The following DCPS variants were observed in gnomAD, a reference collection of about 807,000 sequenced individuals.
DCPS encodes decapping enzyme, scavenger.
Under a neutral mutation model 34.7 loss-of-function variants are expected in DCPS, and 27 were observed. That is an observed-to-expected ratio of 0.78 (90% CI 0.57 to 1.07). The LOEUF is 1.07. Ranked by LOEUF, DCPS falls within the 50% of genes least tolerant of loss-of-function variation. The pLI is 0.00. For synonymous variants in DCPS, 185 were observed against 185.7 expected (o/e 1.00, Z 0.03); for missense variants, 464 against 436.9 (o/e 1.06, Z -0.55).
At chr11:126,314,957 G>T (rs1450503065) in intron 2 of DCPS, among the ~76,000 whole-genome samples, 1 of 151,900 alleles carries the variant, frequency 6.6e-6, no homozygotes, top group African/African-American at 2.4e-5. Flanking sequence ...GTTCCTACCT[G>T]TTCCCCAAAA....
intron 4 of DCPS, chr11:126,341,147 T>G (rs1951872522): frequency 6.6e-6 from 1 of 152,282 alleles, no homozygotes; most frequent in Non-Finnish European, 1.5e-5. Flanking sequence ...TCTAAAGTTC[T>G]CAGACCAGGC....
intron 5 of DCPS, 22 bp downstream of exon 5, chr11:126,343,439 C>T (rs779375138): frequency 5.7e-6 from 9 of 1,575,890 alleles, no homozygotes; most frequent in Middle Eastern, 1.7e-4. Context: ...CACCAAACCA[C>T]GTGGAAGCTC....
At chr11:126,316,657 T>TC (rs369732222) in intron 2 of DCPS, among the ~76,000 whole-genome samples, 3,265 of 151,690 alleles carry the variant, frequency 0.022, 155 homozygotes, top group African/African-American at 0.075. Context: ...TTTTTTTTTT[T>TC]TCATGTTTTT....
chr11:126,327,913 A>G lies in DCPS; in HGVS notation c.377-3492A>G, dbSNP rs940057712. ...GTCCATCCACCTGCTGCTGTGAGGG[A>G]GTGAGAAGTGAAGAGGAAGCAAGCT... On this transcript the variant is annotated intron_variant, in intron 2 of 5. Transcript: ENST00000263579. This position sits in a 1 kb window ranked among gnomAD's most constrained non-coding sequence, Gnocchi z 4.1. 2.0e-5 allele frequency among the ~76,000 whole-genome samples: 3 copies of G among 152,144 alleles called. No individual in the cohort carries two copies. Among genetic ancestry groups the G allele is most frequent in the African/African-American group, 7.2e-5 (3 of 41,420 alleles).
chr11:126,332,522 G>A lies in DCPS; in HGVS notation c.522+972G>A, dbSNP rs1951801518. On this transcript the variant is annotated intron_variant, in intron 3 of 5. Coordinates refer to ENST00000263579, the MANE Select transcript of DCPS (RefSeq NM_014026.6). This position sits in a 1 kb window ranked among gnomAD's most constrained non-coding sequence, Gnocchi z 5.4. The stretch of plus-strand genomic sequence containing the variant: ...TCAGGTCACTGTGGTGGAGGGTGTT[G>A]TGATGTGAGGAACTCACAGCCACTC... Among the ~76,000 whole-genome samples, 1 of 152,226 alleles carries A rather than the reference G, an allele frequency of 6.6e-6. No individual in the cohort carries two copies. The highest frequency in any genetic ancestry group is 1.9e-4 in the East Asian group (1 of 5,198).
rs1314602929 is a variant in DCPS at position 126,334,738 on chromosome 11, C to G, written c.522+3188C>G. ...GTATCTGTGCCCTAAGCCAGAGATA[C>G]TATTTGGCTCCTTAGATGTGAGGTA... On this transcript the variant is annotated intron_variant, in intron 3 of 5. Transcript: ENST00000263579. This position sits in a 1 kb window ranked among gnomAD's most constrained non-coding sequence, Gnocchi z 5.5. 6.6e-6 allele frequency among the ~76,000 whole-genome samples: 1 copy of G among 152,212 alleles called. No individual in the cohort carries two copies. Among genetic ancestry groups the G allele is most frequent in the Non-Finnish European group, 1.5e-5 (1 of 68,040 alleles).
chr11:126,331,308 A>G lies in DCPS; in HGVS notation c.377-97A>G. 3 of 1,534,800 alleles carry G rather than the reference A, an allele frequency of 2.0e-6. No individual in the cohort carries two copies. Among genetic ancestry groups the G allele is most frequent in the Non-Finnish European group, 2.6e-6 (3 of 1,138,738 alleles). ...CTTGGATTTTGGCTTCCCTCAGGGA[A>G]TCAAAGCCAGGGTGGGAGTTCTCTC... On this transcript the variant is annotated intron_variant, in intron 2 of 5. Coordinates refer to ENST00000263579, the MANE Select transcript of DCPS (RefSeq NM_014026.6). The surrounding 1 kb of genome is among the most constrained non-coding windows in gnomAD (Gnocchi z 7.2).
intron 2 of DCPS, among the ~76,000 whole-genome samples, chr11:126,308,440 A>C (rs1015586184): frequency 2.0e-5 from 3 of 152,214 alleles, no homozygotes; most frequent in African/African-American, 7.2e-5. Context: ...ATATGTGAAC[A>C]CTTCATGGTG....
Position 126,315,525 on chromosome 11 carries a change from A to G in DCPS, c.376+8781A>G, listed in dbSNP as rs1312395512. Reference sequence around the variant, plus strand: ...CAGTGAACTATGATTATGCCGCTGCACTCCAACCTGGGTGGCAGAGCAAAA... The same window carrying G: ...CAGTGAACTATGATTATGCCGCTGCGCTCCAACCTGGGTGGCAGAGCAAAA... On this transcript the variant is annotated intron_variant, in intron 2 of 5. Transcript: ENST00000263579. The surrounding 1 kb of genome is among the most constrained non-coding windows in gnomAD (Gnocchi z 6.1). Among the ~76,000 whole-genome samples the G allele has an allele frequency of 6.6e-6, 1 of 151,992 alleles. No individual in the cohort carries two copies. The highest frequency in any genetic ancestry group is 1.5e-5 in the Non-Finnish European group (1 of 68,022).
Position 126,348,629 on chromosome 11 carries a change from CT to C in DCPS, c.*3018del, listed in dbSNP as rs1273157810. Reference sequence around the variant, plus strand: ...CATAGTCTGTCTTTATTAGGGTGACCTTCATATCAGACTCCCAGGTAACTCA... The same window carrying C: ...CATAGTCTGTCTTTATTAGGGTGACCTCATATCAGACTCCCAGGTAACTCA... On this transcript the variant is annotated 3_prime_UTR_variant, in exon 6 of 6. Transcript: ENST00000263579. The surrounding 1 kb of genome is among the most constrained non-coding windows in gnomAD (Gnocchi z 5.3). 1.3e-5 allele frequency among the ~76,000 whole-genome samples: 2 copies of C among 152,234 alleles called. No homozygotes were observed. The highest frequency in any genetic ancestry group is 4.8e-5 in the African/African-American group (2 of 41,464).
In DCPS at chr11:126,331,525, T is replaced by A; in HGVS notation, c.497T>A (p.Leu166Gln). ...DDYRNITLPH[L>Q]ESQSLSIQWV... ...TACAGGAATATTACTTTACCCCACC[T>A]GGAGTCCCAGAGCCTCAGCATCCAG... The change falls in exon 3 of 6, where the codon CTG (leucine) becomes CAG (glutamine). Residue 166 changes from leucine (L) to glutamine (Q), a missense_variant. By Grantham distance (113) the Leu-to-Gln change is moderately radical. Transcript: ENST00000263579. The surrounding 1 kb of genome is among the most constrained non-coding windows in gnomAD (Gnocchi z 7.2). 6.2e-7 allele frequency: 1 copy of A among 1,614,134 alleles called. No homozygotes were observed. Among genetic ancestry groups the A allele is most frequent in the Non-Finnish European group, 8.5e-7 (1 of 1,180,010 alleles).
At chr11:126,310,337 C>A (rs538312695) in intron 2 of DCPS, among the ~76,000 whole-genome samples, 1 of 152,160 alleles carries the variant, frequency 6.6e-6, no homozygotes, top group Non-Finnish European at 1.5e-5. Context: ...TTCAAGAATC[C>A]GATGCGCTAA....
At chr11:126,309,511 G>T (rs865862063) in intron 2 of DCPS, among the ~76,000 whole-genome samples, 1 of 152,128 alleles carries the variant, frequency 6.6e-6, no homozygotes, top group Admixed American at 6.5e-5. Flanking sequence ...ATGTTTTTTA[G>T]GTAATAATGA....
chr11:126,345,576 C>G lies in DCPS; in HGVS notation c.977C>G (p.Pro326Arg), dbSNP rs150917728. ...ACCTTCGCCCTCAGGGCTGACGACC[C>G]CCTGCTCAAGCTCTTGCAGGAGGCT... The part of the protein sequence containing the change: ...TLTFALRADD[P>R]LLKLLQEAQQ... Residue 326 changes from proline to arginine, a missense_variant, in exon 6 of 6, where the codon CCC becomes CGC. Transcript: ENST00000263579. This position sits in a 1 kb window ranked among gnomAD's most constrained non-coding sequence, Gnocchi z 7.4. 437 of 1,613,688 alleles carry G rather than the reference C, an allele frequency of 2.7e-4. 3 individuals carry two copies. In the African/African-American group the frequency reaches 4.4e-3, roughly 16 times the overall value.
chr11:126,339,212 G>A (rs1951858280), intron 4 of DCPS, among the ~76,000 whole-genome samples: 1 of 152,218 alleles, frequency 6.6e-6, no homozygotes, highest in Admixed American at 6.5e-5. Context: ...GCCGAGGTAG[G>A]CAGGCAGGCA....
rs1385439787 is a variant in DCPS at position 126,327,516 on chromosome 11, A to ATC, written c.377-3888_377-3887dup. On this transcript the variant is annotated intron_variant, in intron 2 of 5. Transcript: ENST00000263579. This position sits in a 1 kb window ranked among gnomAD's most constrained non-coding sequence, Gnocchi z 4.1. Reference sequence around the variant, plus strand: ...GATATTTTTGAGACTGTGCCTGTGTATCGTGTTTCCCAACGTGTTTTCACC... The same window carrying ATC: ...GATATTTTTGAGACTGTGCCTGTGTATCTCGTGTTTCCCAACGTGTTTTCACC... Among the ~76,000 whole-genome samples, 1 of 152,176 alleles carries ATC rather than the reference A, an allele frequency of 6.6e-6. No homozygotes were observed. Among genetic ancestry groups the ATC allele is most frequent in the Non-Finnish European group, 1.5e-5 (1 of 68,036 alleles).
chr11:126,313,265 C>A lies in DCPS; in HGVS notation c.376+6521C>A, dbSNP rs1238198129. Reference sequence around the variant, plus strand: ...CGTTTCTCTGGTTGCAGGGAACTCCCGGTACTGTAGCCACAGGCCAGGGTT... The same window carrying A: ...CGTTTCTCTGGTTGCAGGGAACTCCAGGTACTGTAGCCACAGGCCAGGGTT... On this transcript the variant is annotated intron_variant, in intron 2 of 5. Transcript: ENST00000263579. The surrounding 1 kb of genome is among the most constrained non-coding windows in gnomAD (Gnocchi z 4.9). Among the ~76,000 whole-genome samples the A allele has an allele frequency of 3.3e-5, 5 of 152,140 alleles. No homozygotes were observed. The South Asian group carries it at 1.0e-3, about 31-fold the overall frequency.
chr11:126,339,754 C>T (rs921400612), intron 4 of DCPS, among the ~76,000 whole-genome samples: 1 of 152,144 alleles, frequency 6.6e-6, no homozygotes, highest in African/African-American at 2.4e-5. Context: ...AGGAGGGAGC[C>T]AGGACTGGCT....
chr11:126,306,774 T>A lies in DCPS; in HGVS notation c.376+30T>A, dbSNP rs193268349. 7.7e-5 allele frequency: 121 copies of A among 1,578,468 alleles called. No individual in the cohort carries two copies. The East Asian group carries it at 2.5e-3, about 32-fold the overall frequency. On this transcript the variant is annotated intron_variant, in intron 2 of 5. Transcript: ENST00000263579. ...GCAAGAGGTGGCCAGGGTGGCTGTATGGAGGGAGAATGGGATGGTGGGAAA... is the reference window on the plus strand; with the variant it reads ...GCAAGAGGTGGCCAGGGTGGCTGTAAGGAGGGAGAATGGGATGGTGGGAAA...
Sources: allele counts gnomAD v4.1 joint callset (sites outside exome capture counted in the v4.1 genomes callset), GRCh38; gene constraint gnomAD v4.1.1; non-coding constraint Gnocchi (gnomAD v3.1); transcripts MANE v1.5; gene names NCBI Gene and HGNC (gene_info 2026-07-23, HGNC 2026-07-21).